RASGRF2: variants seen among roughly 807,000 people sequenced by gnomAD.
RASGRF2 encodes the protein ras-specific guanine nucleotide-releasing factor 2.
In RASGRF2, 76 loss-of-function variants were observed where a neutral mutation model predicts 151.0. The observed-to-expected ratio is 0.50, with a 90% CI of 0.42 to 0.61. The LOEUF (loss-of-function observed/expected upper bound fraction) is 0.61, where lower values mean the gene tolerates loss of function less well. RASGRF2 is among the 20% of genes least tolerant of loss of function. The probability of loss-of-function intolerance (pLI) is 0.00; values close to 1 mark genes in which losing one functional copy is unlikely to be tolerated. For synonymous variants in RASGRF2, 504 were observed against 566.5 expected, an observed-to-expected ratio of 0.89 and a Z score of 1.57; for missense variants, 1,148 against 1,564.6, an observed-to-expected ratio of 0.73 and a Z score of 4.49.
At chr5:81,214,415 A>G (rs1219294227) in intron 23 of RASGRF2, among the ~76,000 whole-genome samples, 1 of 152,180 alleles carries the variant, frequency 6.6e-6, no homozygotes, top group East Asian at 1.9e-4. Context: ...GACACCTTTG[A>G]TGACAACATC....
In RASGRF2 at chr5:81,225,805, C is replaced by T; in HGVS notation, c.*35C>T. 6.2e-7 allele frequency: 1 copy of T among 1,601,604 alleles called. No individual in the cohort carries two copies. The stretch of plus-strand genomic sequence containing the variant: ...CTTGCCCCTGAGTCCACGGGATGTT[C>T]ATGGAAAGCAGGACAGACAGAATTG... On this transcript the variant is annotated 3_prime_UTR_variant, in exon 27 of 27. Transcript: ENST00000265080.
At chr5:81,064,038 G>A (rs1183608147) in intron 2 of RASGRF2, among the ~76,000 whole-genome samples, 1 of 152,126 alleles carries the variant, frequency 6.6e-6, no homozygotes, top group Non-Finnish European at 1.5e-5. Flanking sequence ...GTTTCTGTGG[G>A]TCAGGAACCC....
chr5:81,046,715 G>A (rs1750847117), intron 2 of RASGRF2, among the ~76,000 whole-genome samples: 1 of 152,132 alleles, frequency 6.6e-6, no homozygotes, highest in South Asian at 2.1e-4. Flanking sequence ...GTCCATAAGT[G>A]TCCATCATGG....
chr5:81,031,853 A>T (rs1750263270), intron 1 of RASGRF2, among the ~76,000 whole-genome samples: 2 of 152,220 alleles, frequency 1.3e-5, no homozygotes. Context: ...AAATCAATGA[A>T]TCCAGGAGCT....
chr5:80,975,180 A>G (rs1748074053), intron 1 of RASGRF2, among the ~76,000 whole-genome samples: 1 of 151,952 alleles, frequency 6.6e-6, no homozygotes, highest in Non-Finnish European at 1.5e-5. Context: ...GCACGCCAAT[A>G]AAGTGGCAAA....
rs1312782702 is a variant in RASGRF2, at chr5:81,087,712, C to A, written c.1390+759C>A. The A allele has an allele frequency of 9.7e-6, 3 of 308,004 alleles. No individual in the cohort carries two copies. In the East Asian group the frequency reaches 1.7e-4, roughly 18 times the overall value. 19.1% of individuals were successfully genotyped at this position (308,004 alleles called of 1,614,324 possible). A position where few individuals can be genotyped will look rare whatever the true frequency, so the allele number is the denominator to read the frequency against. Reference sequence around the variant, plus strand: ...GTCCTCTGGGGGAGGGGAGAATGCCCCAGGCAATTGATTTGAGACAATATA... The same window carrying A: ...GTCCTCTGGGGGAGGGGAGAATGCCACAGGCAATTGATTTGAGACAATATA... On this transcript the variant is annotated intron_variant, in intron 9 of 26. Coordinates refer to ENST00000265080, the MANE Select transcript of RASGRF2 (RefSeq NM_006909.3).
At chr5:81,061,579 C>T (rs1751434490) in intron 2 of RASGRF2, among the ~76,000 whole-genome samples, 1 of 151,064 alleles carries the variant, frequency 6.6e-6, no homozygotes, top group African/African-American at 2.4e-5. Flanking sequence ...GCAATCATAG[C>T]TCACTGCAGC....
chr5:80,971,927 A>C (rs1478381133), intron 1 of RASGRF2, among the ~76,000 whole-genome samples: 2 of 146,630 alleles, frequency 1.4e-5, no homozygotes, highest in Non-Finnish European at 3.0e-5. Context: ...TTTTAGAGAC[A>C]GTGTCTCCTT....
At chr5:81,166,073 C>T (rs1754499013) in intron 17 of RASGRF2, among the ~76,000 whole-genome samples, 1 of 152,150 alleles carries the variant, frequency 6.6e-6, no homozygotes, top group African/African-American at 2.4e-5. Flanking sequence ...TAGATGCAGT[C>T]AGGTGTATAG....
At chr5:81,048,936 G>T (rs945572036) in intron 2 of RASGRF2, among the ~76,000 whole-genome samples, 2 of 151,910 alleles carry the variant, frequency 1.3e-5, no homozygotes, top group African/African-American at 4.8e-5. Context: ...TCTTGCACAT[G>T]CAGCCCGGCT....
chr5:81,225,293 T>A lies in RASGRF2; in HGVS notation c.3622-385T>A, dbSNP rs112452528. On this transcript the variant is annotated intron_variant, in intron 26 of 26. Transcript: ENST00000265080. ...ATAGCAGTTAGAGCTCTATCTACTGTCACAGGGAGCTCTCTCCAACCTATC... is the reference window on the plus strand; with the variant it reads ...ATAGCAGTTAGAGCTCTATCTACTGACACAGGGAGCTCTCTCCAACCTATC... Among the ~76,000 whole-genome samples the A allele has an allele frequency of 1.1e-3, 162 of 152,314 alleles. 1 individual carries two copies. Among genetic ancestry groups the A allele is most frequent in the African/African-American group, 3.8e-3 (156 of 41,576 alleles).
At chr5:81,018,802 C>CTTT (rs35247915) in intron 1 of RASGRF2, among the ~76,000 whole-genome samples, 2 of 127,054 alleles carry the variant, frequency 1.6e-5, no homozygotes, top group African/African-American at 3.0e-5. Flanking sequence ...TCCATCTGCA[C>CTTT]TTTTTTTTTT....
Position 81,005,381 on chromosome 5 carries a change from C to T in RASGRF2, c.289-37496C>T, listed in dbSNP as rs536248792. On this transcript the variant is annotated intron_variant, in intron 1 of 26. Transcript: ENST00000265080. ...ATAAAACCGTCGGATCTCGTGAGAA[C>T]GCACTCACTATCACGAGGACAGCTT... Among the ~76,000 whole-genome samples, 12 of 152,134 alleles carry T rather than the reference C, an allele frequency of 7.9e-5. No homozygotes were observed. In the East Asian group the frequency reaches 1.2e-3, roughly 15 times the overall value.
At chr5:81,130,501 A>T (rs992452370) in intron 17 of RASGRF2, among the ~76,000 whole-genome samples, 1 of 152,050 alleles carries the variant, frequency 6.6e-6, no homozygotes, top group African/African-American at 2.4e-5. Flanking sequence ...AGCAGATTTC[A>T]CCTGCCTGGG....
intron 1 of RASGRF2, among the ~76,000 whole-genome samples, chr5:81,031,461 A>G (rs1161140936): frequency 6.6e-6 from 1 of 152,244 alleles, no homozygotes; most frequent in Non-Finnish European, 1.5e-5. Context: ...CTCAGACCAC[A>G]GTGCACTCAA....
chr5:81,194,336 G>A (rs1322514988), intron 18 of RASGRF2, among the ~76,000 whole-genome samples: 3 of 151,880 alleles, frequency 2.0e-5, no homozygotes, highest in Non-Finnish European at 4.4e-5. Flanking sequence ...CAGCCTGGGT[G>A]ACAGAGTGAG....
chr5:81,117,276 A>G (rs1334467298), intron 15 of RASGRF2, among the ~76,000 whole-genome samples: 1 of 152,224 alleles, frequency 6.6e-6, no homozygotes, highest in Non-Finnish European at 1.5e-5. Context: ...AGATAATTGT[A>G]CATGAATAGA....
At chr5:81,023,819 C>T (rs1749914656) in intron 1 of RASGRF2, among the ~76,000 whole-genome samples, 1 of 152,196 alleles carries the variant, frequency 6.6e-6, no homozygotes, top group African/African-American at 2.4e-5. Context: ...CCATACTGGG[C>T]ATTTGGGTTT....
Position 81,123,720 on chromosome 5 carries a change from G to T in RASGRF2, c.2549G>T (p.Cys850Phe). The T allele has an allele frequency of 6.2e-7, 1 of 1,613,954 alleles. No homozygotes were observed. Among genetic ancestry groups the T allele is most frequent in the African/African-American group, 1.3e-5 (1 of 75,026 alleles). The change falls in exon 16 of 27, where the codon TGC becomes TTC. Residue 850 changes from cysteine (C) to phenylalanine (F), a missense_variant. By Grantham distance (205) the Cys-to-Phe change is radical (BLOSUM62 -2). Transcript: ENST00000265080. ...PAADTTELSPCRSPSTPRHLR... is the reference protein window; with the variant it reads ...PAADTTELSPFRSPSTPRHLR... ...GCGGACACCACAGAACTTTCACCTT[G>T]CAGATCCCCCTCAACTCCTCGGCAC...
Sources: allele counts gnomAD v4.1 joint callset (sites outside exome capture counted in the v4.1 genomes callset), GRCh38; gene constraint gnomAD v4.1.1; transcripts MANE v1.5; gene names NCBI Gene and HGNC (gene_info 2026-07-23, HGNC 2026-07-21).